Variants in WDR64 observed in about 807,000 individuals in gnomAD.
The protein encoded by WDR64 is WD repeat domain 64, also known as WD repeat-containing protein 64.
Under a neutral mutation model 139.3 loss-of-function variants are expected in WDR64, and 112 were observed. That is an observed-to-expected ratio of 0.80 (90% CI 0.69 to 0.94). The LOEUF (loss-of-function observed/expected upper bound fraction) is 0.94, where lower values mean the gene tolerates loss of function less well. Among genes scored for constraint, WDR64 ranks in the 40% least tolerant of loss-of-function variants. The pLI, the probability that WDR64 is intolerant of heterozygous loss-of-function variation, is 0.00. For missense variants in WDR64, 1,206 were observed against 1,293.1 expected (o/e 0.93, Z 1.03); for synonymous variants, 444 against 437.7 (o/e 1.01, Z -0.18).
intron 8 of WDR64, among the ~76,000 whole-genome samples, chr1:241,694,886 C>T (rs1003401265): frequency 6.6e-6 from 1 of 152,128 alleles, no homozygotes; most frequent in Non-Finnish European, 1.5e-5. Flanking sequence ...TAGTAAGTCA[C>T]TATGGGATAA....
rs200159624 is a variant in WDR64 at position 241,753,890 on chromosome 1, G to T, written c.1771-3393G>T. 2.2e-4 allele frequency among the ~76,000 whole-genome samples: 33 copies of T among 152,236 alleles called. No individual in the cohort carries two copies. In the East Asian group the frequency reaches 6.0e-3, roughly 28 times the overall value. Reference sequence around the variant, plus strand: ...GGAGAGATATACCACATCCACAGATGGGATATGGCAAAGGTATCATTATTA... The same window carrying T: ...GGAGAGATATACCACATCCACAGATTGGATATGGCAAAGGTATCATTATTA... On this transcript the variant is annotated intron_variant, in intron 14 of 27. Coordinates refer to ENST00000437684, the MANE Select transcript of WDR64 (RefSeq NM_001367482.1).
At chr1:241,742,145 A>G (rs569868964) in intron 12 of WDR64, among the ~76,000 whole-genome samples, 4 of 152,316 alleles carry the variant, frequency 2.6e-5, no homozygotes, top group Admixed American at 6.5e-5. Context: ...AAAGATGAGG[A>G]AATCAGGGCT....
intron 22 of WDR64, among the ~76,000 whole-genome samples, chr1:241,783,033 G>A (rs1321318867): frequency 6.6e-6 from 1 of 152,108 alleles, no homozygotes; most frequent in Non-Finnish European, 1.5e-5. Flanking sequence ...AATTGCCAGA[G>A]ACATAAGATA....
In WDR64 at chr1:241,681,216, A is replaced by G. The variant is rs186570095; in HGVS notation, c.624+1621A>G. ...CGATTTGTGAGATTTTGGTGCACCCATCTCCCAAGCAGTATGTACTGAACC... is the reference window on the plus strand; with the variant it reads ...CGATTTGTGAGATTTTGGTGCACCCGTCTCCCAAGCAGTATGTACTGAACC... On this transcript the variant is annotated intron_variant, in intron 6 of 27. Coordinates refer to ENST00000437684, the MANE Select transcript of WDR64 (RefSeq NM_001367482.1). Among the ~76,000 whole-genome samples, 659 of 152,200 alleles carry G rather than the reference A, an allele frequency of 4.3e-3. 7 individuals carry two copies. The highest frequency in any genetic ancestry group is 0.01 in the Middle Eastern group (3 of 294).
At chr1:241,730,573 C>A (rs114052237) in intron 10 of WDR64, among the ~76,000 whole-genome samples, 105 of 152,276 alleles carry the variant, frequency 6.9e-4, no homozygotes, top group African/African-American at 2.5e-3. Context: ...TCTGGGTATT[C>A]TATTGACATT....
At chr1:241,727,575 G>C (rs1209110445) in intron 10 of WDR64, among the ~76,000 whole-genome samples, 1 of 152,124 alleles carries the variant, frequency 6.6e-6, no homozygotes, top group Non-Finnish European at 1.5e-5. Flanking sequence ...TTTATTTATT[G>C]AGTGTCTATT....
At chr1:241,672,227 C>T (rs1230620350) in intron 3 of WDR64, among the ~76,000 whole-genome samples, 2 of 152,062 alleles carry the variant, frequency 1.3e-5, no homozygotes, top group African/African-American at 4.8e-5. Context: ...CCACCTTCAT[C>T]CTTGACTCTT....
At chr1:241,722,443 C>A (rs150570485) in intron 9 of WDR64, among the ~76,000 whole-genome samples, 64 of 151,896 alleles carry the variant, frequency 4.2e-4, no homozygotes, top group African/African-American at 1.5e-3. Flanking sequence ...AGTAAATAAT[C>A]CAAAAGGAAA....
At chr1:241,735,126 T>G (rs1481800638) in intron 10 of WDR64, among the ~76,000 whole-genome samples, 1 of 152,234 alleles carries the variant, frequency 6.6e-6, no homozygotes, top group African/African-American at 2.4e-5. Flanking sequence ...TTATTTTGCA[T>G]GTTTTATATA....
chr1:241,683,709 T>A lies in WDR64; in HGVS notation c.839+8T>A, dbSNP rs74150357. 7,324 of 1,507,738 alleles carry A rather than the reference T, an allele frequency of 4.9e-3. 238 individuals are homozygous for A. The African/African-American group carries it at 0.078, about 16-fold the overall frequency. 93.4% of individuals were successfully genotyped at this position (1,507,738 alleles called of 1,614,324 possible). On this transcript the variant is annotated splice_region_variant and intron_variant, in intron 7 of 27. Transcript: ENST00000437684. ...CTCAAAGAACTTTAAAAGGTAAGAG[T>A]ATCATACAGTTAATTTAATTCTTTT...
At chr1:241,669,479 C>T (rs1414221058) in intron 2 of WDR64, among the ~76,000 whole-genome samples, 1 of 152,058 alleles carries the variant, frequency 6.6e-6, no homozygotes, top group African/African-American at 2.4e-5. Flanking sequence ...GATATTAAAC[C>T]TAGAGGGTTT....
intron 10 of WDR64, among the ~76,000 whole-genome samples, chr1:241,726,078 T>C (rs1040633807): frequency 6.6e-6 from 1 of 152,002 alleles, no homozygotes; most frequent in African/African-American, 2.4e-5. Flanking sequence ...AATTTGCTAA[T>C]TTTTAAATTT....
At chr1:241,677,298 C>T (rs534547922) in intron 4 of WDR64, 7 of 398,346 alleles carry the variant, frequency 1.8e-5, no homozygotes, top group Non-Finnish European at 3.1e-5. Flanking sequence ...TGTTCTGCTA[C>T]TCACCGGTTT....
rs1259435660 is a variant in WDR64, at chr1:241,801,779, A to G, written c.*564A>G. ...ACCTGACTCCAGATAAATATAAAAG[A>G]CGGCAAAGAAAGGAAGAAAAATGGG... On this transcript the variant is annotated 3_prime_UTR_variant, in exon 28 of 28. Coordinates refer to ENST00000437684, the MANE Select transcript of WDR64 (RefSeq NM_001367482.1). The G allele has an allele frequency of 2.5e-6, 1 of 398,318 alleles. No homozygotes were observed. Among genetic ancestry groups the G allele is most frequent in the East Asian group, 3.6e-5 (1 of 28,020 alleles). 24.7% of individuals were successfully genotyped at this position (398,318 alleles called of 1,614,324 possible).
chr1:241,679,598 A>G lies in WDR64; in HGVS notation c.624+3A>G. The G allele has an allele frequency of 6.4e-7, 1 of 1,550,952 alleles. No homozygotes were observed. Among genetic ancestry groups the G allele is most frequent in the Non-Finnish European group, 8.7e-7 (1 of 1,146,282 alleles). On this transcript the variant is annotated splice_donor_region_variant and intron_variant, in intron 6 of 27. Coordinates refer to ENST00000437684, the MANE Select transcript of WDR64 (RefSeq NM_001367482.1). ...ATAAAGCTCAAGGGAGCAGCCAGGTATTGTGCCAAGAGAAATACTCAAAGA... is the reference window on the plus strand; with the variant it reads ...ATAAAGCTCAAGGGAGCAGCCAGGTGTTGTGCCAAGAGAAATACTCAAAGA...
chr1:241,667,941 C>T (rs770656923), intron 2 of WDR64, among the ~76,000 whole-genome samples: 15 of 152,138 alleles, frequency 9.9e-5, no homozygotes, highest in African/African-American at 1.7e-4. Flanking sequence ...GTTCAATAAA[C>T]GTATGTCTGT....
chr1:241,741,223 T>C (rs1447214396), intron 11 of WDR64, among the ~76,000 whole-genome samples: 1 of 152,172 alleles, frequency 6.6e-6, no homozygotes, highest in African/African-American at 2.4e-5. Flanking sequence ...CTATGAAATA[T>C]AGGAAAATGA....
At chr1:241,792,318 C>T (rs776005305) in intron 25 of WDR64, among the ~76,000 whole-genome samples, 4 of 152,066 alleles carry the variant, frequency 2.6e-5, no homozygotes, top group Admixed American at 1.3e-4. Context: ...GGGCAGATCA[C>T]GAGGTCAGGA....
intron 8 of WDR64, among the ~76,000 whole-genome samples, chr1:241,691,141 G>A (rs1218094842): frequency 6.6e-6 from 1 of 151,772 alleles, no homozygotes; most frequent in African/African-American, 2.4e-5. Flanking sequence ...ACGAAAAATT[G>A]TTTTTTAAAA....
Sources: allele counts gnomAD v4.1 joint callset (sites outside exome capture counted in the v4.1 genomes callset), GRCh38; gene constraint gnomAD v4.1.1; transcripts MANE v1.5; gene names NCBI Gene and HGNC (gene_info 2026-07-23, HGNC 2026-07-21).